IGSF10: variants seen among roughly 807,000 people sequenced by gnomAD.
IGSF10 encodes immunoglobulin superfamily member 10.
IGSF10 carries 126 observed loss-of-function variants against 128.2 expected under a neutral mutation model. That is an observed-to-expected ratio of 0.98 (90% CI 0.85 to 1.14). IGSF10 has a LOEUF of 1.14. Ranked by LOEUF, IGSF10 falls within the 50% of genes most tolerant of loss-of-function variation. IGSF10 has a pLI of 0.00. For missense variants in IGSF10, 3,295 were observed against 3,149.8 expected (o/e 1.05, Z -1.10); for synonymous variants, 1,185 against 1,146.2 (o/e 1.03, Z -0.68).
intron 6 of IGSF10, among the ~76,000 whole-genome samples, chr3:151,444,476 TTA>T (rs1366514486): frequency 8.6e-5 from 13 of 151,908 alleles, no homozygotes; most frequent in Admixed American, 7.9e-4. Context: ...CCCGGCTAAT[TTA>T]TGTATTTTTT....
In IGSF10 at chr3:151,446,378, C is replaced by T. The variant is rs1375115775; in HGVS notation, c.3603G>A (p.Arg1201=). ...CAAAGTTCTGTTGCCAGGGAATTTTCCTTCTTGAAAACCTTGTAATGGCTA... is the reference window on the plus strand; with the variant it reads ...CAAAGTTCTGTTGCCAGGGAATTTTTCTTCTTGAAAACCTTGTAATGGCTA... The part of the protein sequence containing the change: ...TIIAITRFSR[R]KIPWQQNFVN... Residue 1201 remains arginine (R), a synonymous_variant, in exon 6 of 8, where the codon AGG becomes AGA. Coordinates refer to ENST00000282466, the MANE Select transcript of IGSF10 (RefSeq NM_178822.5). The T allele has an allele frequency of 9.9e-6, 16 of 1,612,636 alleles. No homozygotes were observed. Among genetic ancestry groups the T allele is most frequent in the East Asian group, 2.2e-5 (1 of 44,836 alleles).
chr3:151,587,019 T>A, the IGSF10 span, among the ~76,000 whole-genome samples: 2 of 152,124 alleles, frequency 1.3e-5, no homozygotes, highest in Admixed American at 1.3e-4. Context: ...ATAAAGTAAA[T>A]AAAACTTGAT....
the IGSF10 span, among the ~76,000 whole-genome samples, chr3:151,540,712 A>G: frequency 6.6e-6 from 1 of 152,166 alleles, no homozygotes; most frequent in African/African-American, 2.4e-5. Context: ...GGATGTTAGC[A>G]GTTTTCCAAA....
At chr3:151,467,822 T>A in the IGSF10 span, among the ~76,000 whole-genome samples, 67 of 149,854 alleles carry the variant, frequency 4.5e-4, no homozygotes, top group African/African-American at 1.6e-3. Flanking sequence ...GGTCAGAGCC[T>A]GCAGTGAGCC....
the IGSF10 span, among the ~76,000 whole-genome samples, chr3:151,546,019 A>G: frequency 6.6e-6 from 1 of 151,356 alleles, no homozygotes; most frequent in Non-Finnish European, 1.5e-5. Flanking sequence ...ACAAAACATT[A>G]GATTAGAGAT....
the IGSF10 span, among the ~76,000 whole-genome samples, chr3:151,516,531 T>C: frequency 3.3e-5 from 5 of 152,108 alleles, no homozygotes; most frequent in Non-Finnish European, 7.4e-5. Flanking sequence ...GAAATTTTAA[T>C]GGCACGGACG....
the IGSF10 span, among the ~76,000 whole-genome samples, chr3:151,572,376 T>G: frequency 1.3e-5 from 2 of 152,226 alleles, no homozygotes; most frequent in African/African-American, 4.8e-5. Flanking sequence ...GGTAGGCTAT[T>G]AATTATTGCC....
intron 2 of IGSF10, among the ~76,000 whole-genome samples, chr3:151,460,014 C>T (rs1053102367): frequency 2.6e-5 from 4 of 152,142 alleles, no homozygotes. Flanking sequence ...TCGTAACCAC[C>T]TGGTTACAAT....
chr3:151,558,017 TAA>T, the IGSF10 span, among the ~76,000 whole-genome samples: 6 of 31,964 alleles, frequency 1.9e-4, no homozygotes, highest in South Asian at 1.4e-3. Flanking sequence ...TATATATATA[TAA>T]TATATATATT....
the IGSF10 span, among the ~76,000 whole-genome samples, chr3:151,523,311 A>G: frequency 6.6e-6 from 1 of 152,162 alleles, no homozygotes; most frequent in Non-Finnish European, 1.5e-5. Context: ...AACTAGAAAA[A>G]ACTATTTTAA....
intron 4 of IGSF10, 122 bp downstream of exon 4, chr3:151,456,904 G>A (rs911619111): frequency 5.7e-5 from 54 of 942,018 alleles, no homozygotes; most frequent in Middle Eastern, 2.2e-4. Flanking sequence ...CTCCATTGAC[G>A]TCTGCTTCTA....
chr3:151,587,586 T>C, the IGSF10 span, among the ~76,000 whole-genome samples: 186 of 152,320 alleles, frequency 1.2e-3, no homozygotes, highest in Non-Finnish European at 2.4e-3. Context: ...GAATTATTTT[T>C]CTTGTTAACA....
At chr3:151,598,337 C>G in the IGSF10 span, among the ~76,000 whole-genome samples, 1,092 of 151,894 alleles carry the variant, frequency 7.2e-3, 19 homozygotes, top group African/African-American at 0.026. Context: ...TATAATTGTG[C>G]TTCCAAAAGT....
chr3:151,602,222 C>T, the IGSF10 span, among the ~76,000 whole-genome samples: 81,958 of 151,864 alleles, frequency 0.54, 22,223 homozygotes, highest in South Asian at 0.63. Flanking sequence ...ATAGAGCATT[C>T]GATATCATTA....
rs1720539932 is a variant in IGSF10, at chr3:151,438,140, G to A, written c.6421C>T (p.Pro2141Ser). 6.2e-7 allele frequency: 1 copy of A among 1,614,168 alleles called. No homozygotes were observed. Among genetic ancestry groups the A allele is most frequent in the Non-Finnish European group, 8.5e-7 (1 of 1,180,020 alleles). The change falls in exon 8 of 8, where the codon CCC (proline) becomes TCC (serine). Residue 2141 changes from proline (P) to serine (S), a missense_variant. Transcript: ENST00000282466. ...GTTTTGTTACTCTGCCTTATCCGGG[G>A]AGCAGCTGTTATAACTGTTAAGTGG... ...KVHLTVITAA[P>S]RIRQSNKTNK...
the IGSF10 span, among the ~76,000 whole-genome samples, chr3:151,516,313 G>T: frequency 5.9e-5 from 9 of 152,070 alleles, no homozygotes; most frequent in African/African-American, 2.2e-4. Flanking sequence ...AATCTTGACA[G>T]ATCAAGATTA....
downstream of IGSF10, chr3:151,435,874 GAATT>G (rs573123198): frequency 1.1e-4 from 16 of 151,352 alleles, no homozygotes; most frequent in Non-Finnish European, 1.9e-4. Flanking sequence ...ATCCCATAAA[GAATT>G]AATGAAATGA....
At chr3:151,507,952 C>CAA in the IGSF10 span, among the ~76,000 whole-genome samples, 3 of 91,652 alleles carry the variant, frequency 3.3e-5, no homozygotes, top group Non-Finnish European at 6.6e-5. Flanking sequence ...AGATCTAGAT[C>CAA]TATCAATAAA....
At chr3:151,534,902 T>C in the IGSF10 span, among the ~76,000 whole-genome samples, 1 of 151,678 alleles carries the variant, frequency 6.6e-6, no homozygotes, top group Non-Finnish European at 1.5e-5. Context: ...GCATGAAAAA[T>C]GTAGTTCCAT....
Sources: gnomAD v4.1 joint callset for allele counts (sites outside exome capture counted in the v4.1 genomes callset) on GRCh38, gnomAD v4.1.1 for gene constraint, MANE v1.5 for transcripts, NCBI Gene and HGNC (gene_info 2026-07-23, HGNC 2026-07-21) for gene names.